GYPE: variants seen among roughly 807,000 people sequenced by gnomAD.
GYPE encodes glycophorin-E.
Under a neutral mutation model 11.6 loss-of-function variants are expected in GYPE, and 8 were observed. That is an observed-to-expected ratio of 0.69 (90% CI 0.41 to 1.25). GYPE has a LOEUF of 1.25. Ranked by LOEUF, GYPE falls within the 50% of genes most tolerant of loss-of-function variation. The pLI is 0.01. For synonymous variants in GYPE, 28 were observed against 29.6 expected (o/e 0.94, Z 0.18); for missense variants, 90 against 92.8 (o/e 0.97, Z 0.12).
chr4:143,874,253 A>C (rs1320562873), intron 3 of GYPE, among the ~76,000 whole-genome samples: 1 of 152,116 alleles, frequency 6.6e-6, no homozygotes, highest in Non-Finnish European at 1.5e-5. Context: ...AATCCCACCA[A>C]GTGAAATTAA....
chr4:143,883,092 C>T (rs1183241907), intron 1 of GYPE, among the ~76,000 whole-genome samples: 6 of 152,144 alleles, frequency 3.9e-5, no homozygotes, highest in African/African-American at 7.2e-5. Context: ...GCTGGTTTCT[C>T]ATGGCTTAAC....
chr4:143,885,138 T>C (rs1360597013), intron 1 of GYPE, among the ~76,000 whole-genome samples: 1 of 152,030 alleles, frequency 6.6e-6, no homozygotes, highest in Non-Finnish European at 1.5e-5. Context: ...GGAGAAGCCC[T>C]ATAGCCTGAG....
intron 1 of GYPE, among the ~76,000 whole-genome samples, chr4:143,898,336 C>A (rs1357294157): frequency 6.6e-6 from 1 of 152,144 alleles, no homozygotes; most frequent in African/African-American, 2.4e-5. Context: ...GAGATCGTGC[C>A]ACTGCACTCC....
At chr4:143,874,633 T>A (rs992901055) in intron 3 of GYPE, among the ~76,000 whole-genome samples, 32 of 152,314 alleles carry the variant, frequency 2.1e-4, no homozygotes, top group African/African-American at 7.5e-4. Flanking sequence ...CTCCTCCTTC[T>A]GACTCCAAGG....
intron 1 of GYPE, among the ~76,000 whole-genome samples, chr4:143,882,168 T>A (rs1744044768): frequency 6.6e-6 from 1 of 152,208 alleles, no homozygotes; most frequent in African/African-American, 2.4e-5. Context: ...GATTGCCATA[T>A]GAATTCACTA....
rs1744073159 is a variant in GYPE at position 143,882,335 on chromosome 4, T to G, written c.38-1826A>C. On this transcript the variant is annotated intron_variant, in intron 1 of 3. Transcript: ENST00000358615. ...ATTAAAATTACAGAAAGAAACATCTTTATGAGTCAATTAAAGTATGTAAAA... is the reference window on the plus strand; with the variant it reads ...ATTAAAATTACAGAAAGAAACATCTGTATGAGTCAATTAAAGTATGTAAAA... 4.0e-5 allele frequency among the ~76,000 whole-genome samples: 6 copies of G among 151,826 alleles called. No homozygotes were observed. In the South Asian group the frequency reaches 1.3e-3, roughly 32 times the overall value.
intron 1 of GYPE, among the ~76,000 whole-genome samples, chr4:143,884,092 C>T (rs1744158584): frequency 6.6e-6 from 1 of 151,370 alleles, no homozygotes; most frequent in Non-Finnish European, 1.5e-5. Flanking sequence ...CATTGCTTCG[C>T]CCTTCCCTTC....
Position 143,872,007 on chromosome 4 carries a change from T to C in GYPE, c.*255A>G, listed in dbSNP as rs1743635181. 6.6e-6 allele frequency: 1 copy of C among 152,180 alleles called. No individual in the cohort carries two copies. The highest frequency in any genetic ancestry group is 2.4e-5 in the African/African-American group (1 of 41,416). The allele number at this position is 152,180 out of a possible 1,614,324, so 9.4% of individuals were successfully genotyped here. A position where few individuals can be genotyped will look rare whatever the true frequency, so the allele number is the denominator to read the frequency against. Reference sequence around the variant, plus strand: ...AATGAGGCATGGGATAAGGATTTCGTGATGAGAATCGGGCAGAACTGGAGT... The same window carrying C: ...AATGAGGCATGGGATAAGGATTTCGCGATGAGAATCGGGCAGAACTGGAGT... On this transcript the variant is annotated 3_prime_UTR_variant, in exon 4 of 4. Transcript: ENST00000358615.
In GYPE at chr4:143,891,818, CA is replaced by C. The variant is rs1578969464; in HGVS notation, c.38-11310del. ...CTCTGAGAAAATTCAAACCTGCAGTCAAGATGGTGCATTCCTCTAGTAATGG... is the reference window on the plus strand; with the variant it reads ...CTCTGAGAAAATTCAAACCTGCAGTCAGATGGTGCATTCCTCTAGTAATGG... On this transcript the variant is annotated intron_variant, in intron 1 of 3. Coordinates refer to ENST00000358615, the MANE Select transcript of GYPE (RefSeq NM_198682.3). Among the ~76,000 whole-genome samples the C allele has an allele frequency of 2.6e-5, 4 of 152,208 alleles. No homozygotes were observed. In the East Asian group the frequency reaches 7.7e-4, roughly 29 times the overall value.
intron 1 of GYPE, among the ~76,000 whole-genome samples, chr4:143,898,175 G>C (rs2149915624): frequency 6.6e-6 from 1 of 152,146 alleles, no homozygotes; most frequent in East Asian, 1.9e-4. Flanking sequence ...TCAGGAGTTG[G>C]AGACCAGCCT....
At chr4:143,890,352 C>T (rs1423670610) in intron 1 of GYPE, among the ~76,000 whole-genome samples, 1 of 152,186 alleles carries the variant, frequency 6.6e-6, no homozygotes, top group Admixed American at 6.5e-5. Context: ...CCGCTTTAGT[C>T]TAAGGTTTGG....
At chr4:143,879,352 G>A (rs910393937) in intron 2 of GYPE, among the ~76,000 whole-genome samples, 2 of 152,154 alleles carry the variant, frequency 1.3e-5, no homozygotes, top group African/African-American at 4.8e-5. Context: ...AAATTACTTA[G>A]TATATACTAC....
At chr4:143,889,624 A>G (rs1238432793) in intron 1 of GYPE, among the ~76,000 whole-genome samples, 1 of 152,202 alleles carries the variant, frequency 6.6e-6, no homozygotes, top group African/African-American at 2.4e-5. Context: ...GCCTCATTCT[A>G]CTGAGCAACT....
intron 2 of GYPE, chr4:143,878,623 T>C (rs138090060): frequency 2.1e-6 from 1 of 473,320 alleles, no homozygotes; most frequent in African/African-American, 2.0e-5. Flanking sequence ...TGATTCTTTG[T>C]CAAATATTAA....
At chr4:143,890,283 A>T (rs1487481429) in intron 1 of GYPE, among the ~76,000 whole-genome samples, 1 of 152,052 alleles carries the variant, frequency 6.6e-6, no homozygotes, top group Non-Finnish European at 1.5e-5. Flanking sequence ...CAATCTGGTC[A>T]CTCCTGCCTA....
intron 1 of GYPE, among the ~76,000 whole-genome samples, chr4:143,891,953 G>T (rs1744425294): frequency 6.6e-6 from 1 of 152,118 alleles, no homozygotes; most frequent in Non-Finnish European, 1.5e-5. Context: ...ACTCTTTTTG[G>T]TTGGTAAGCT....
chr4:143,883,564 T>C (rs1279605424), intron 1 of GYPE, among the ~76,000 whole-genome samples: 15 of 144,856 alleles, frequency 1.0e-4, no homozygotes, highest in Non-Finnish European at 1.5e-4. Flanking sequence ...TTATAATTAT[T>C]AATAACATGT....
At chr4:143,881,013 A>C (rs1461867421) in intron 1 of GYPE, among the ~76,000 whole-genome samples, 1 of 152,162 alleles carries the variant, frequency 6.6e-6, no homozygotes, top group African/African-American at 2.4e-5. Context: ...ATAGAACAAA[A>C]CTTCTGTCCC....
intron 2 of GYPE, chr4:143,878,556 A>G (rs1743897493): frequency 9.1e-6 from 4 of 437,932 alleles, no homozygotes; most frequent in Admixed American, 3.1e-5. Context: ...TTTAAGATTG[A>G]CACATTTTCT....
Sources: allele counts gnomAD v4.1 joint callset (sites outside exome capture counted in the v4.1 genomes callset), GRCh38; gene constraint gnomAD v4.1.1; transcripts MANE v1.5; gene names NCBI Gene and HGNC (gene_info 2026-07-23, HGNC 2026-07-21).